The following PKIB variants were observed in gnomAD, a reference collection of about 807,000 sequenced individuals.
PKIB encodes PKI-beta.
Under a neutral mutation model 4.5 loss-of-function variants are expected in PKIB, and 2 were observed. That is an observed-to-expected ratio of 0.44 (90% CI 0.18 to 1.39). PKIB has a LOEUF of 1.39. PKIB is among the 40% of genes most tolerant of loss of function. PKIB has a pLI of 0.27. For synonymous variants in PKIB, 38 were observed against 36.0 expected (o/e 1.06, Z -0.20); for missense variants, 94 against 92.6 (o/e 1.02, Z -0.06).
chr6:122,540,870 T>C (rs1777574030), intron 2 of PKIB, among the ~76,000 whole-genome samples: 1 of 150,752 alleles, frequency 6.6e-6, no homozygotes, highest in Non-Finnish European at 1.5e-5. Context: ...TGCTCCTGTA[T>C]TGGGTGCATA....
intron 3 of PKIB, among the ~76,000 whole-genome samples, chr6:122,604,495 A>G (rs1022345807): frequency 1.3e-5 from 2 of 152,194 alleles, no homozygotes; most frequent in Non-Finnish European, 2.9e-5. Flanking sequence ...TGAAAATTAG[A>G]AAAAAAGAGG....
intron 3 of PKIB, among the ~76,000 whole-genome samples, chr6:122,694,724 A>T (rs1190202007): frequency 2.0e-5 from 3 of 152,224 alleles, no homozygotes; most frequent in African/African-American, 7.2e-5. Context: ...TCATAAAAAA[A>T]TTCGAAGGAG....
chr6:122,522,960 A>G (rs1287726623), intron 2 of PKIB, among the ~76,000 whole-genome samples: 1 of 152,098 alleles, frequency 6.6e-6, no homozygotes, highest in African/African-American at 2.4e-5. Context: ...TTTTCCCCCA[A>G]TTTGGATATC....
At chr6:122,503,932 A>G (rs1445814233) in intron 2 of PKIB, among the ~76,000 whole-genome samples, 1 of 152,244 alleles carries the variant, frequency 6.6e-6, no homozygotes, top group East Asian at 1.9e-4. Context: ...ATGTTCAACT[A>G]CATTCTAGTT....
At chr6:122,524,241 CCTT>C (rs1161074775) in intron 2 of PKIB, among the ~76,000 whole-genome samples, 2 of 147,790 alleles carry the variant, frequency 1.4e-5, no homozygotes, top group African/African-American at 5.0e-5. Context: ...TCCTCATCCT[CCTT>C]CTTTTTCTTT....
chr6:122,511,712 C>T (rs898030138), intron 2 of PKIB, among the ~76,000 whole-genome samples: 2 of 152,178 alleles, frequency 1.3e-5, no homozygotes, highest in East Asian at 1.9e-4. Flanking sequence ...AGTACAATCA[C>T]TTAGATCTAA....
chr6:122,690,651 T>A (rs9375164), intron 3 of PKIB, among the ~76,000 whole-genome samples: 37,036 of 152,008 alleles, frequency 0.24, 5,050 homozygotes, highest in East Asian at 0.43. Context: ...TTTTGATTGG[T>A]TCACCTTTTA....
At chr6:122,534,383 A>G (rs1554218338) in intron 2 of PKIB, among the ~76,000 whole-genome samples, 1 of 151,874 alleles carries the variant, frequency 6.6e-6, no homozygotes, top group Admixed American at 6.6e-5. Context: ...TTTATGAGGT[A>G]AAGAAGAATT....
chr6:122,575,751 C>A (rs1021464275), intron 2 of PKIB, among the ~76,000 whole-genome samples: 4 of 152,106 alleles, frequency 2.6e-5, no homozygotes, highest in African/African-American at 9.7e-5. Context: ...CTATAATGGA[C>A]TTTGTGGACT....
intron 2 of PKIB, among the ~76,000 whole-genome samples, chr6:122,556,538 G>T (rs1407056376): frequency 6.6e-6 from 1 of 152,106 alleles, no homozygotes; most frequent in East Asian, 1.9e-4. Flanking sequence ...ACAAAAGAAG[G>T]CTCTGTATAA....
chr6:122,540,937 G>A (rs1443416856), intron 2 of PKIB, among the ~76,000 whole-genome samples: 8 of 150,966 alleles, frequency 5.3e-5, no homozygotes, highest in Admixed American at 4.0e-4. Context: ...ATTATGTAAT[G>A]GCCTTCTTTG....
intron 2 of PKIB, among the ~76,000 whole-genome samples, chr6:122,562,007 T>TG (rs1255463438): frequency 4.9e-5 from 7 of 144,080 alleles, no homozygotes; most frequent in African/African-American, 1.5e-4. Flanking sequence ...TTTTTTTGTT[T>TG]TTTTTTTTTT....
intron 1 of PKIB, among the ~76,000 whole-genome samples, chr6:122,475,024 G>A (rs1247857681): frequency 6.6e-6 from 1 of 152,138 alleles, no homozygotes; most frequent in Non-Finnish European, 1.5e-5. Flanking sequence ...CAGTCATTTT[G>A]GTTTGTTGTT....
intron 2 of PKIB, among the ~76,000 whole-genome samples, chr6:122,561,878 A>G (rs1773022182): frequency 6.7e-6 from 1 of 150,362 alleles, no homozygotes; most frequent in East Asian, 2.0e-4. Flanking sequence ...CCATGGTTCT[A>G]TATCTTTTAA....
intron 3 of PKIB, among the ~76,000 whole-genome samples, chr6:122,594,118 A>C (rs2114729106): frequency 6.6e-6 from 1 of 152,330 alleles, no homozygotes; most frequent in South Asian, 2.1e-4. Context: ...CCAACCCAAA[A>C]GCTATTACAT....
chr6:122,627,760 A>C (rs902911476), intron 1 of PKIB, among the ~76,000 whole-genome samples: 1 of 152,202 alleles, frequency 6.6e-6, no homozygotes, highest in African/African-American at 2.4e-5. Context: ...ATTGTTCTAC[A>C]TCCTTTCTTG....
At chr6:122,628,940 T>A (rs1435527632) in intron 1 of PKIB, among the ~76,000 whole-genome samples, 1 of 152,164 alleles carries the variant, frequency 6.6e-6, no homozygotes, top group Admixed American at 6.5e-5. Flanking sequence ...GGAAAGCTGA[T>A]TCCATGGGGA....
chr6:122,535,616 G>A (rs1777382805), intron 2 of PKIB, among the ~76,000 whole-genome samples: 1 of 152,106 alleles, frequency 6.6e-6, no homozygotes, highest in Non-Finnish European at 1.5e-5. Context: ...TGCACTTGCT[G>A]ACTGTTGTTC....
intron 3 of PKIB, among the ~76,000 whole-genome samples, chr6:122,688,929 C>T (rs1454984861): frequency 3.3e-5 from 5 of 152,008 alleles, no homozygotes; most frequent in Admixed American, 1.3e-4. Context: ...TACAGACGCC[C>T]GCCACCACGC....
Sources: allele counts gnomAD v4.1 joint callset (sites outside exome capture counted in the v4.1 genomes callset), GRCh38; gene constraint gnomAD v4.1.1; transcripts MANE v1.5; gene names NCBI Gene and HGNC (gene_info 2026-07-23, HGNC 2026-07-21).